PARP16: variants seen among roughly 807,000 people sequenced by gnomAD.
The protein encoded by PARP16 is protein mono-ADP-ribosyltransferase PARP16.
In PARP16, 31 loss-of-function variants were observed where a neutral mutation model predicts 35.0. The observed-to-expected ratio is 0.88, with a 90% CI of 0.66 to 1.19. The LOEUF is 1.19. PARP16 is among the 50% of genes most tolerant of loss of function. The pLI is 0.00. For synonymous variants in PARP16, 162 were observed against 169.5 expected (o/e 0.96, Z 0.34); for missense variants, 424 against 411.2 (o/e 1.03, Z -0.27).
intron 1 of PARP16, among the ~76,000 whole-genome samples, chr15:65,284,133 T>C (rs2090505970): frequency 6.6e-6 from 1 of 152,144 alleles, no homozygotes; most frequent in Non-Finnish European, 1.5e-5. Context: ...ACGTGTTGAT[T>C]CTAAATACCT....
chr15:65,284,041 C>T (rs551712492), intron 1 of PARP16, among the ~76,000 whole-genome samples: 1 of 152,294 alleles, frequency 6.6e-6, no homozygotes, highest in South Asian at 2.1e-4. Flanking sequence ...CCAAGAGGCT[C>T]AGCCTTTGTC....
chr15:65,265,747 C>T (rs1049899029), intron 3 of PARP16, among the ~76,000 whole-genome samples: 1 of 152,204 alleles, frequency 6.6e-6, no homozygotes, highest in Non-Finnish European at 1.5e-5. Context: ...GCATTTCCAG[C>T]GAGCTACCAG....
chr15:65,263,255 G>A lies in PARP16; in HGVS notation c.585C>T (p.Pro195=). ...SDLSLALIYS[P]HGHGWQHSLL... ...GGCTGTGCTGCCACCCATGGCCATG[G>A]GGGCTGTATATGAGGGCCAGGCTCA... The change falls in exon 4 of 6, where the codon CCC becomes CCT. Residue 195 remains proline (P), a synonymous_variant. Coordinates refer to ENST00000649807, the MANE Select transcript of PARP16 (RefSeq NM_001316943.2). 6.2e-7 allele frequency: 1 copy of A among 1,613,986 alleles called. No individual in the cohort carries two copies. Among genetic ancestry groups the A allele is most frequent in the Non-Finnish European group, 8.5e-7 (1 of 1,179,910 alleles).
intron 1 of PARP16, among the ~76,000 whole-genome samples, chr15:65,282,848 C>G (rs2140981313): frequency 6.6e-6 from 1 of 152,172 alleles, no homozygotes; most frequent in East Asian, 1.9e-4. Context: ...GGATGGGCCC[C>G]AAACAGAGCA....
chr15:65,281,095 C>T (rs748709543), intron 1 of PARP16, among the ~76,000 whole-genome samples: 1 of 152,138 alleles, frequency 6.6e-6, no homozygotes, highest in African/African-American at 2.4e-5. Flanking sequence ...ACTTCCCACC[C>T]CCAGAAAGGG....
intron 2 of PARP16, among the ~76,000 whole-genome samples, chr15:65,248,746 G>A (rs1465341689): frequency 6.6e-6 from 1 of 152,118 alleles, no homozygotes; most frequent in East Asian, 1.9e-4. Flanking sequence ...GGCCAGAGGG[G>A]GTTCCTAGAA....
chr15:65,286,344 G>T lies in PARP16; in HGVS notation c.83C>A (p.Ala28Asp), dbSNP rs763591553. 1 of 1,600,688 alleles carries T rather than the reference G, an allele frequency of 6.2e-7. No individual in the cohort carries two copies. The highest frequency in any genetic ancestry group is 8.5e-7 in the Non-Finnish European group (1 of 1,175,058). Residue 28 changes from alanine (A) to aspartate (D), a missense_variant, in exon 1 of 6, where the codon GCC becomes GAC. By Grantham distance (126) the Ala-to-Asp change is moderately radical. Transcript: ENST00000649807. ...GCGCTTGTAGCTCTGCAGGGCCGAG[G>T]CGAAGAGGCTGCACCGGAGGTCGGC... ...LAADLRCSLF[A>D]SALQSYKRDS...
At chr15:65,264,812 C>G (rs1306338914) in intron 3 of PARP16, among the ~76,000 whole-genome samples, 1 of 152,182 alleles carries the variant, frequency 6.6e-6, no homozygotes, top group Non-Finnish European at 1.5e-5. Context: ...CTCCCTCAAG[C>G]AAGCCCTTCA....
rs1414189344 is a variant in PARP16 at position 65,263,210 on chromosome 15, G to C, written c.630C>G (p.Ser210Arg). 1 of 1,614,156 alleles carries C rather than the reference G, an allele frequency of 6.2e-7. No homozygotes were observed. Residue 210 changes from serine (S) to arginine (R), a missense_variant, in exon 4 of 6, where the codon AGC (serine) becomes AGG (arginine). Coordinates refer to ENST00000649807, the MANE Select transcript of PARP16 (RefSeq NM_001316943.2). ...CAATGACCTCACACACGGCCACACAGCTAAGGATGGGGCCGAGGAGGCTGT... is the reference window on the plus strand; with the variant it reads ...CAATGACCTCACACACGGCCACACACCTAAGGATGGGGCCGAGGAGGCTGT... Reference protein sequence around the residue: ...WQHSLLGPILSCVAVCEVIDH... With the variant: ...WQHSLLGPILRCVAVCEVIDH...
At chr15:65,235,247 C>A (rs1279957784) in intron 3 of PARP16, among the ~76,000 whole-genome samples, 1 of 151,666 alleles carries the variant, frequency 6.6e-6, no homozygotes, top group Non-Finnish European at 1.5e-5. Flanking sequence ...GCGGAGCTTG[C>A]AGTGAGCCGA....
intron 1 of PARP16, among the ~76,000 whole-genome samples, chr15:65,280,014 C>T (rs1320924110): frequency 6.6e-6 from 1 of 151,958 alleles, no homozygotes; most frequent in Non-Finnish European, 1.5e-5. Flanking sequence ...TGTAGACCAG[C>T]TAGGCAACAT....
downstream of PARP16, among the ~76,000 whole-genome samples, chr15:65,255,822 C>T (rs1159800288): frequency 6.6e-6 from 1 of 151,670 alleles, no homozygotes; most frequent in Non-Finnish European, 1.5e-5. Context: ...GAGGCCCACT[C>T]CTCAGCCCTG....
intron 2 of PARP16, among the ~76,000 whole-genome samples, chr15:65,267,867 A>G (rs1484035142): frequency 2.0e-5 from 3 of 150,120 alleles, no homozygotes; most frequent in Non-Finnish European, 4.4e-5. Flanking sequence ...TTTTTTTTGT[A>G]TTTTTAGTAG....
Position 65,286,709 on chromosome 15 carries a change from TG to T in PARP16, c.-284del, listed in dbSNP as rs1289128202. On this transcript the variant is annotated 5_prime_UTR_variant, in exon 1 of 6. Coordinates refer to ENST00000649807, the MANE Select transcript of PARP16 (RefSeq NM_001316943.2). ...CCAGGGATAAAGGAACTGGGGCTGGTGGGGGGGAGGGGTTCCCGGCCTAGGG... is the reference window on the plus strand; with the variant it reads ...CCAGGGATAAAGGAACTGGGGCTGGTGGGGGGAGGGGTTCCCGGCCTAGGG... 8.0e-5 allele frequency: 13 copies of T among 163,492 alleles called. No individual in the cohort carries two copies. The highest frequency in any genetic ancestry group is 1.8e-4 in the South Asian group (1 of 5,518). 10.1% of individuals were successfully genotyped at this position (163,492 alleles called of 1,614,324 possible).
At chr15:65,233,615 A>G (rs559169328), downstream of PARP16, among the ~76,000 whole-genome samples, 38 of 152,138 alleles carry the variant, frequency 2.5e-4, no homozygotes, top group African/African-American at 8.9e-4. Flanking sequence ...ATGCGCCTGT[A>G]GTCCCAGCTA....
chr15:65,256,281 A>G (rs2140806382), downstream of PARP16, among the ~76,000 whole-genome samples: 1 of 152,216 alleles, frequency 6.6e-6, no homozygotes, highest in South Asian at 2.1e-4. Context: ...CATAAGCATC[A>G]ATCCTCTTAA....
At chr15:65,279,145 T>C (rs938886664) in intron 1 of PARP16, among the ~76,000 whole-genome samples, 17 of 152,192 alleles carry the variant, frequency 1.1e-4, no homozygotes, top group African/African-American at 3.4e-4. Context: ...TCCTAGTGCC[T>C]GGGAGCAAGA....
chr15:65,239,878 G>C, intron 3 of PARP16, among the ~76,000 whole-genome samples: 1 of 147,766 alleles, frequency 6.8e-6, no homozygotes, highest in Non-Finnish European at 1.5e-5. Context: ...GGATGGTCTC[G>C]ATCTCCTGAC....
At chr15:65,261,463 T>G (rs1171738122) in intron 4 of PARP16, among the ~76,000 whole-genome samples, 2 of 150,344 alleles carry the variant, frequency 1.3e-5, no homozygotes, top group Non-Finnish European at 3.0e-5. Flanking sequence ...GTTTTTTTTT[T>G]GTTTTTTTTG....
Sources: allele counts gnomAD v4.1 joint callset (sites outside exome capture counted in the v4.1 genomes callset), GRCh38; gene constraint gnomAD v4.1.1; transcripts MANE v1.5; gene names NCBI Gene and HGNC (gene_info 2026-07-23, HGNC 2026-07-21).